Variants in ZNF875 observed in about 807,000 individuals in gnomAD.
ZNF875 encodes HKR1, GLI-Kruppel zinc finger family member.
Under a neutral mutation model 11.2 loss-of-function variants are expected in ZNF875, and 14 were observed. That is an observed-to-expected ratio of 1.26 (90% CI 0.83 to 1.96). ZNF875 has a LOEUF of 1.96. Ranked by LOEUF, ZNF875 falls within the 30% of genes most tolerant of loss-of-function variation. ZNF875 has a pLI of 0.00. For synonymous variants in ZNF875, 301 were observed against 281.1 expected (o/e 1.07, Z -0.71); for missense variants, 752 against 760.4 (o/e 0.99, Z 0.13).
intron 1 of ZNF875, 108 bp downstream of exon 1, chr19:37,334,890 G>T: frequency 2.2e-6 from 1 of 451,634 alleles, no homozygotes; most frequent in Non-Finnish European, 4.4e-6. Context: ...TCTCCTTTGG[G>T]CACCTCCAGG....
At chr19:37,338,704 T>C (rs2035042968) in intron 2 of ZNF875, among the ~76,000 whole-genome samples, 1 of 152,214 alleles carries the variant, frequency 6.6e-6, no homozygotes, top group African/African-American at 2.4e-5. Context: ...CATGAAATGT[T>C]TGGTGCATGA....
intron 4 of ZNF875, among the ~76,000 whole-genome samples, chr19:37,352,222 T>C (rs899235169): frequency 7.5e-4 from 104 of 137,802 alleles, no homozygotes; most frequent in African/African-American, 3.0e-3. Context: ...TACTCCAGGC[T>C]TTTTTTTTTT....
intron 4 of ZNF875, among the ~76,000 whole-genome samples, chr19:37,356,453 T>C (rs1194103087): frequency 1.3e-5 from 2 of 152,214 alleles, no homozygotes; most frequent in Non-Finnish European, 2.9e-5. Context: ...TTTGTTTGTT[T>C]AACTTTTTAA....
intron 4 of ZNF875, among the ~76,000 whole-genome samples, chr19:37,353,163 C>T (rs73629652): frequency 0.02 from 3,087 of 152,226 alleles, 103 homozygotes; most frequent in African/African-American, 0.07. Context: ...CGTGAGCCAC[C>T]GCGCCCGGCT....
rs1411556724 is a variant in ZNF875 at position 37,363,923 on chromosome 19, CTG to C, written c.*150_*151del. 14 of 660,842 alleles carry C rather than the reference CTG, an allele frequency of 2.1e-5. No individual in the cohort carries two copies. The highest frequency in any genetic ancestry group is 3.2e-5 in the Non-Finnish European group (12 of 374,948). The allele number at this position is 660,842 out of a possible 1,614,324, so 40.9% of individuals were successfully genotyped here. A position where few individuals can be genotyped will look rare whatever the true frequency, so the allele number is the denominator to read the frequency against. ...ATTCTGTGTGTGATTATGCATGAGA[CTG>C]TACTGGTAAGACTTGTATCTCCATC... On this transcript the variant is annotated 3_prime_UTR_variant, in exon 5 of 5. Coordinates refer to ENST00000392153, the MANE Select transcript of ZNF875 (RefSeq NM_001353803.2).
At chr19:37,347,934 CA>C in intron 4 of ZNF875, 62 bp downstream of exon 4, 1 of 962,246 alleles carries the variant, frequency 1.0e-6, no homozygotes, top group Non-Finnish European at 1.7e-6. Context: ...AAGGAGGAGG[CA>C]TCTCTCAGAT....
At chr19:37,330,691 T>C (rs1158727924), upstream of ZNF875, among the ~76,000 whole-genome samples, 2 of 152,218 alleles carry the variant, frequency 1.3e-5, no homozygotes, top group South Asian at 2.1e-4. Flanking sequence ...TTTAGTCTCA[T>C]TCTGTAAGTC....
At chr19:37,342,246 G>A (rs1186428875) in intron 2 of ZNF875, among the ~76,000 whole-genome samples, 1 of 151,706 alleles carries the variant, frequency 6.6e-6, no homozygotes, top group Non-Finnish European at 1.5e-5. Flanking sequence ...TTTGAGACAT[G>A]TGCTGGCTGG....
intron 4 of ZNF875, chr19:37,329,166 G>C (rs1392927264): frequency 1.3e-5 from 2 of 152,284 alleles, no homozygotes; most frequent in East Asian, 3.9e-4. Flanking sequence ...CTTGCTCTTC[G>C]CACAGGCCCC....
intron 4 of ZNF875, among the ~76,000 whole-genome samples, chr19:37,326,299 G>A (rs2032420494): frequency 6.6e-6 from 1 of 152,144 alleles, no homozygotes; most frequent in Non-Finnish European, 1.5e-5. Flanking sequence ...GTGATTTTAT[G>A]TACATCCCCA....
In ZNF875 at chr19:37,318,937, A is replaced by G. The variant is rs904002497; in HGVS notation, c.-747+751A>G. 4.6e-5 allele frequency among the ~76,000 whole-genome samples: 7 copies of G among 152,192 alleles called. No individual in the cohort carries two copies. In the East Asian group the frequency reaches 7.7e-4, roughly 17 times the overall value. ...TATCTTAGTAGTAGTATTTTCCCCA[A>G]TGTCTTTGAAATCTAATTTTTGGGG... On this transcript the variant is annotated intron_variant, in intron 1 of 5. Coordinates refer to the ZNF875 transcript ENST00000544914.
upstream of ZNF875, chr19:37,334,545 G>T (rs1175365393): frequency 2.7e-6 from 1 of 368,132 alleles, no homozygotes; most frequent in Non-Finnish European, 5.4e-6. Context: ...GGGCAAAGCC[G>T]ACTTCTCCGC....
chr19:37,347,716 T>G, intron 3 of ZNF875, 61 bp from the exon 4 acceptor site: 1 of 1,044,792 alleles, frequency 9.6e-7, no homozygotes, highest in South Asian at 1.3e-5. Context: ...CAGCTCTGAG[T>G]TCTAGAATGC....
intron 2 of ZNF875, chr19:37,346,549 T>G (rs2036801912): frequency 1.3e-5 from 2 of 154,258 alleles, no homozygotes; most frequent in Non-Finnish European, 2.9e-5. Context: ...GAACAAATAG[T>G]GAGACCAAGT....
At chr19:37,335,777 G>T (rs959345492) in intron 2 of ZNF875, among the ~76,000 whole-genome samples, 6 of 152,202 alleles carry the variant, frequency 3.9e-5, no homozygotes, top group African/African-American at 1.4e-4. Flanking sequence ...GTGTGCGTTT[G>T]CTCACATCCT....
intron 4 of ZNF875, among the ~76,000 whole-genome samples, chr19:37,351,064 A>C (rs1343643445): frequency 6.6e-6 from 1 of 152,060 alleles, no homozygotes; most frequent in Non-Finnish European, 1.5e-5. Context: ...TCGGCCTCCC[A>C]AAGTGCTGGG....
intron 2 of ZNF875, chr19:37,346,248 C>G (rs987721326): frequency 1.3e-5 from 2 of 152,200 alleles, no homozygotes; most frequent in African/African-American, 4.8e-5. Context: ...AATCCTAATC[C>G]TCACCACAAG....
upstream of ZNF875, among the ~76,000 whole-genome samples, chr19:37,332,030 G>A (rs1291156472): frequency 8.2e-6 from 1 of 121,722 alleles, no homozygotes; most frequent in East Asian, 2.6e-4. Context: ...GCTTTGTAAA[G>A]CATTGAGATG....
chr19:37,352,884 T>C (rs920865493), intron 4 of ZNF875, among the ~76,000 whole-genome samples: 3 of 147,354 alleles, frequency 2.0e-5, no homozygotes, highest in African/African-American at 5.0e-5. Context: ...CTTTTTTTTT[T>C]TTTTTTTTGA....
Sources: allele counts gnomAD v4.1 joint callset (sites outside exome capture counted in the v4.1 genomes callset), GRCh38; gene constraint gnomAD v4.1.1; transcripts MANE v1.5; gene names NCBI Gene and HGNC (gene_info 2026-07-23, HGNC 2026-07-21).